The following TACC2 variants were observed in gnomAD, a reference collection of about 807,000 sequenced individuals.
TACC2 encodes the protein transforming acidic coiled-coil-containing protein 2.
Under a neutral mutation model 227.3 loss-of-function variants are expected in TACC2, and 137 were observed. The observed-to-expected ratio is 0.60, with a 90% CI of 0.52 to 0.69. The LOEUF (loss-of-function observed/expected upper bound fraction) is 0.69, where lower values mean the gene tolerates loss of function less well. Ranked by LOEUF, TACC2 falls within the 30% of genes least tolerant of loss-of-function variation. TACC2 has a pLI of 0.00. For synonymous variants in TACC2, 1,523 were observed against 1,487.5 expected, an observed-to-expected ratio of 1.02 and a Z score of -0.55; for missense variants, 3,470 against 3,694.4, an observed-to-expected ratio of 0.94 and a Z score of 1.57.
intron 19 of TACC2, among the ~76,000 whole-genome samples, chr10:122,243,441 C>T (rs1023341915): frequency 3.3e-5 from 5 of 152,124 alleles, no homozygotes; most frequent in Non-Finnish European, 7.4e-5. Context: ...AGTGAAGAGG[C>T]CAACAATTGA....
chr10:122,149,258 C>T (rs2091769992), intron 7 of TACC2, among the ~76,000 whole-genome samples: 1 of 152,184 alleles, frequency 6.6e-6, no homozygotes, highest in Non-Finnish European at 1.5e-5. Context: ...CTCCCTGCTG[C>T]GGACAGCTGT....
chr10:122,176,117 C>CTCTCTCTCTCTATATATATA (rs1447382017), intron 7 of TACC2, among the ~76,000 whole-genome samples: 1 of 54,644 alleles, frequency 1.8e-5, no homozygotes, highest in Non-Finnish European at 3.5e-5. Flanking sequence ...CTCTCTCTCT[C>CTCTCTCTCTCTATATATATA]TATATATATA....
At chr10:122,149,591 G>C (rs1019867702) in intron 7 of TACC2, among the ~76,000 whole-genome samples, 2 of 152,190 alleles carry the variant, frequency 1.3e-5, no homozygotes, top group Non-Finnish European at 2.9e-5. Context: ...CGCAGGAGGG[G>C]AAGGGCAGAA....
chr10:122,089,645 C>CAT (rs564313651), intron 5 of TACC2, among the ~76,000 whole-genome samples: 113 of 152,352 alleles, frequency 7.4e-4, no homozygotes, highest in Admixed American at 2.4e-3. Flanking sequence ...TGTGTGCACA[C>CAT]ATATACATGC....
chr10:122,002,271 T>C (rs531012626), intron 1 of TACC2, among the ~76,000 whole-genome samples: 6 of 152,308 alleles, frequency 3.9e-5, no homozygotes, highest in South Asian at 2.1e-4. Flanking sequence ...TACCTTCACA[T>C]TGGAGATTAG....
chr10:121,998,762 G>A (rs1953897670), intron 1 of TACC2, among the ~76,000 whole-genome samples: 1 of 152,166 alleles, frequency 6.6e-6, no homozygotes, highest in African/African-American at 2.4e-5. Flanking sequence ...CTGACTTTAT[G>A]CAGCCAAGCC....
chr10:122,010,382 CA>C (rs1565059471), intron 1 of TACC2, among the ~76,000 whole-genome samples: 8 of 152,140 alleles, frequency 5.3e-5, no homozygotes, highest in Non-Finnish European at 8.8e-5. Flanking sequence ...ATCTTGTCTG[CA>C]GAGAGGGACG....
At chr10:122,002,514 G>A (rs547001226) in intron 1 of TACC2, among the ~76,000 whole-genome samples, 1 of 152,188 alleles carries the variant, frequency 6.6e-6, no homozygotes, top group South Asian at 2.1e-4. Flanking sequence ...GTGTTCTTCT[G>A]CCTTTAAAAT....
In TACC2 at chr10:122,085,668, A is replaced by G. The variant is rs200089998; in HGVS notation, c.3168A>G (p.Ala1056=). The G allele has an allele frequency of 2.5e-6, 4 of 1,613,506 alleles. No homozygotes were observed. Among genetic ancestry groups the G allele is most frequent in the Non-Finnish European group, 3.4e-6 (4 of 1,180,036 alleles). Residue 1056 remains alanine, a synonymous_variant, in exon 4 of 23, where the codon GCA becomes GCG. Transcript: ENST00000369005. ...CTGACTCAGTAGCTCTCCTGGATGC[A>G]GTTCCCTGCCTGCCAGCCCTGGCGC... ...CQPDSVALLD[A]VPCLPALAPA...
At chr10:122,057,541 G>A (rs932257509) in intron 3 of TACC2, among the ~76,000 whole-genome samples, 2 of 152,102 alleles carry the variant, frequency 1.3e-5, no homozygotes, top group South Asian at 2.1e-4. Context: ...GGTGGCTCAC[G>A]CCTCTAATCC....
At position 122,226,605 on chromosome 10, in the gene TACC2, T is replaced by TA; in HGVS notation, c.7724+124_7724+125insA. 2.6e-5 allele frequency: 4 copies of TA among 155,412 alleles called. No individual in the cohort carries two copies. The East Asian group carries it at 2.7e-4, about 11-fold the overall frequency. 9.6% of individuals were successfully genotyped at this position (155,412 alleles called of 1,614,324 possible). A position where few individuals can be genotyped will look rare whatever the true frequency, so the allele number is the denominator to read the frequency against. ...ATTCAGGCGGCTGACATGCCACATA[T>TA]TTTTTTTTTTTTTAATAGAGACAGA... On this transcript the variant is annotated intron_variant, in intron 13 of 22. Transcript: ENST00000369005.
intron 7 of TACC2, among the ~76,000 whole-genome samples, chr10:122,148,727 CGAT>C (rs1472115536): frequency 6.6e-6 from 1 of 152,256 alleles, no homozygotes; most frequent in Non-Finnish European, 1.5e-5. Context: ...GCTGTGGAAA[CGAT>C]GACACAATCC....
intron 3 of TACC2, among the ~76,000 whole-genome samples, chr10:122,077,027 A>G (rs2078895397): frequency 6.7e-6 from 1 of 150,174 alleles, no homozygotes; most frequent in Non-Finnish European, 1.5e-5. Flanking sequence ...AGACACGAGA[A>G]TTGCCTGAAC....
chr10:122,197,175 C>T (rs7085231), intron 8 of TACC2, among the ~76,000 whole-genome samples: 3,798 of 151,304 alleles, frequency 0.025, 155 homozygotes, highest in African/African-American at 0.088. Context: ...GCAGGAGAAT[C>T]GCTTGAACCC....
At chr10:122,077,906 G>A (rs759849013) in intron 3 of TACC2, among the ~76,000 whole-genome samples, 5 of 152,046 alleles carry the variant, frequency 3.3e-5, no homozygotes, top group Non-Finnish European at 7.4e-5. Flanking sequence ...TAACTGAAAA[G>A]TGCCCAGGCC....
intron 5 of TACC2, among the ~76,000 whole-genome samples, chr10:122,091,484 C>T (rs1025722519): frequency 3.3e-5 from 5 of 152,060 alleles, no homozygotes; most frequent in Admixed American, 6.6e-5. Flanking sequence ...GCTGCTTTTC[C>T]CTGGTCTTTG....
At chr10:122,041,633 G>A (rs2074283520) in intron 2 of TACC2, among the ~76,000 whole-genome samples, 1 of 152,068 alleles carries the variant, frequency 6.6e-6, no homozygotes, top group South Asian at 2.1e-4. Context: ...TTTTAGTGGA[G>A]ACAGGGTTTC....
At chr10:122,136,545 GTATATA>G (rs34534253) in intron 6 of TACC2, among the ~76,000 whole-genome samples, 930 of 54,992 alleles carry the variant, frequency 0.017, 13 homozygotes, top group African/African-American at 0.035. Flanking sequence ...GTGTGTGTGT[GTATATA>G]TATATATATA....
chr10:122,114,279 C>T (rs1443414711), intron 5 of TACC2, among the ~76,000 whole-genome samples: 1 of 152,180 alleles, frequency 6.6e-6, no homozygotes, highest in Non-Finnish European at 1.5e-5. Context: ...CTTATTGAGG[C>T]CACATTTTAA....
Sources: gnomAD v4.1 joint callset for allele counts (sites outside exome capture counted in the v4.1 genomes callset) on GRCh38, gnomAD v4.1.1 for gene constraint, MANE v1.5 for transcripts, NCBI Gene and HGNC (gene_info 2026-07-23, HGNC 2026-07-21) for gene names.